The following LGR6 variants were observed in gnomAD, a reference collection of about 807,000 sequenced individuals.
The protein encoded by LGR6 is leucine rich repeat containing G protein-coupled receptor 6.
Under a neutral mutation model 69.4 loss-of-function variants are expected in LGR6, and 45 were observed. That is an observed-to-expected ratio of 0.65 (90% CI 0.51 to 0.83). LGR6 has a LOEUF of 0.83. Ranked by LOEUF, LGR6 falls within the 40% of genes least tolerant of loss-of-function variation. The pLI is 0.00. For synonymous variants in LGR6, 538 were observed against 555.0 expected (o/e 0.97, Z 0.43); for missense variants, 1,108 against 1,246.7 (o/e 0.89, Z 1.68).
In LGR6 at chr1:202,268,800, T is replaced by G. The variant is rs1664875805; in HGVS notation, c.429-7506T>G. Among the ~76,000 whole-genome samples the G allele has an allele frequency of 6.6e-6, 1 of 152,188 alleles. No homozygotes were observed. Among genetic ancestry groups the G allele is most frequent in the Admixed American group, 6.5e-5 (1 of 15,282 alleles). ...CACAGCTTTTGAGGATTTTTTAGTT[T>G]GGGAGCAGAGCCGACCTCATGGGCC... On this transcript the variant is annotated intron_variant, in intron 4 of 17. Transcript: ENST00000367278. This position sits in a 1 kb window ranked among gnomAD's most constrained non-coding sequence, Gnocchi z 4.4.
At chr1:202,206,889 T>TTTTATTTA (rs139647235) in intron 1 of LGR6, among the ~76,000 whole-genome samples, 47 of 141,368 alleles carry the variant, frequency 3.3e-4, no homozygotes, top group Middle Eastern at 7.1e-3. Flanking sequence ...CTGCAAATTA[T>TTTTATTTA]TTTATTTATT....
At chr1:202,204,457 AC>A (rs1658978749) in intron 1 of LGR6, among the ~76,000 whole-genome samples, 1 of 81,880 alleles carries the variant, frequency 1.2e-5, no homozygotes, top group African/African-American at 5.1e-5. Flanking sequence ...CCACACACAC[AC>A]ACCTCCACAC....
intron 1 of LGR6, 78 bp downstream of exon 1, chr1:202,194,279 T>G (rs2147880425): frequency 9.4e-7 from 1 of 1,065,240 alleles, no homozygotes; most frequent in Non-Finnish European, 1.3e-6. Context: ...GCAGGGCACC[T>G]GCTTGCTTGG....
Position 202,276,370 on chromosome 1 carries a change from C to T in LGR6, c.493C>T (p.Arg165Cys), listed in dbSNP as rs148637417. 215 of 1,614,188 alleles carry T rather than the reference C, an allele frequency of 1.3e-4. No homozygotes were observed. In the African/African-American group the frequency reaches 1.7e-3, roughly 13 times the overall value. The change falls in exon 5 of 18, where the codon CGC (arginine) becomes TGC (cysteine). Residue 165 changes from arginine to cysteine, a missense_variant. Coordinates refer to ENST00000367278, the MANE Select transcript of LGR6 (RefSeq NM_001017403.2). ...GAGCTTTGAGGGGCTGTCCTCCCTC[C>T]GCCACCTCTGGCTGGACGACAATGC... ...ERSFEGLSSL[R>C]HLWLDDNALT...
At chr1:202,202,809 A>G (rs1658884236) in intron 1 of LGR6, among the ~76,000 whole-genome samples, 2 of 152,196 alleles carry the variant, frequency 1.3e-5, no homozygotes, top group African/African-American at 4.8e-5. Context: ...CCTAGGACAC[A>G]ATTCCTCTCA....
chr1:202,213,542 C>T (rs964623064), intron 1 of LGR6, among the ~76,000 whole-genome samples: 2 of 152,098 alleles, frequency 1.3e-5, no homozygotes, highest in African/African-American at 4.8e-5. Context: ...AAGGGCAGGG[C>T]TGACCCAGAA....
chr1:202,252,187 C>T (rs1191929014), intron 4 of LGR6, among the ~76,000 whole-genome samples: 1 of 152,112 alleles, frequency 6.6e-6, no homozygotes, highest in African/African-American at 2.4e-5. Flanking sequence ...CTCTCTACTC[C>T]AGCGAAGCCA....
At chr1:202,242,545 T>G (rs534975892) in intron 4 of LGR6, among the ~76,000 whole-genome samples, 79 of 152,338 alleles carry the variant, frequency 5.2e-4, no homozygotes, top group African/African-American at 1.8e-3. Context: ...ATGGGGTTAC[T>G]GGCTCTGCTC....
At chr1:202,298,253 GT>G (rs770449403) in intron 7 of LGR6, among the ~76,000 whole-genome samples, 1 of 152,182 alleles carries the variant, frequency 6.6e-6, no homozygotes, top group Non-Finnish European at 1.5e-5. Flanking sequence ...AAAGATCATT[GT>G]GGACAAATCC....
chr1:202,261,957 T>G (rs1203606605), intron 4 of LGR6, among the ~76,000 whole-genome samples: 1 of 152,242 alleles, frequency 6.6e-6, no homozygotes, highest in Non-Finnish European at 1.5e-5. Context: ...TAAATTTGTT[T>G]GAGTTCATTG....
rs778765476 is a variant in LGR6, at chr1:202,309,085, C to G, written c.1315C>G (p.Leu439Val). 1 of 1,614,150 alleles carries G rather than the reference C, an allele frequency of 6.2e-7. No homozygotes were observed. The highest frequency in any genetic ancestry group is 8.5e-7 in the Non-Finnish European group (1 of 1,180,002). ...AGACAACCAGCTGACCACACTGCCC[C>G]TGGCTGGACTTGGGGGCTTGATGCA... is the stretch of plus-strand genomic sequence containing the variant. The part of the protein sequence containing the change: ...LTDNQLTTLP[L>V]AGLGGLMHLK... Residue 439 changes from leucine (L) to valine (V), a missense_variant, in exon 15 of 18, where the codon CTG becomes GTG. Transcript: ENST00000367278.
At chr1:202,240,152 C>T (rs931831087) in intron 4 of LGR6, among the ~76,000 whole-genome samples, 1 of 152,098 alleles carries the variant, frequency 6.6e-6, no homozygotes, top group Non-Finnish European at 1.5e-5. Flanking sequence ...GCAGGTGGAT[C>T]ACCTGAGCTC....
chr1:202,239,029 G>T (rs533391182), intron 4 of LGR6, among the ~76,000 whole-genome samples: 1 of 152,244 alleles, frequency 6.6e-6, no homozygotes, highest in South Asian at 2.1e-4. Flanking sequence ...ACGGGGCAGG[G>T]GTTTTATTGT....
At chr1:202,235,451 C>T (rs1661458947) in intron 3 of LGR6, among the ~76,000 whole-genome samples, 1 of 152,206 alleles carries the variant, frequency 6.6e-6, no homozygotes, top group Admixed American at 6.5e-5. Context: ...ATGTATTTGC[C>T]TGGGGCACTG....
chr1:202,261,730 T>G lies in LGR6; in HGVS notation c.429-14576T>G, dbSNP rs572632111. On this transcript the variant is annotated intron_variant, in intron 4 of 17. Coordinates refer to ENST00000367278, the MANE Select transcript of LGR6 (RefSeq NM_001017403.2). ...GTAAAAGTATTCCTCTTTCTCCACATCCTCTCCAACACCTGTTGTTTCCTG... is the reference window on the plus strand; with the variant it reads ...GTAAAAGTATTCCTCTTTCTCCACAGCCTCTCCAACACCTGTTGTTTCCTG... Among the ~76,000 whole-genome samples, 6 of 152,322 alleles carry G rather than the reference T, an allele frequency of 3.9e-5. No individual in the cohort carries two copies. In the East Asian group the frequency reaches 1.2e-3, roughly 29 times the overall value.
At chr1:202,252,406 A>G (rs1188758695) in intron 4 of LGR6, among the ~76,000 whole-genome samples, 1 of 152,164 alleles carries the variant, frequency 6.6e-6, no homozygotes, top group Non-Finnish European at 1.5e-5. Flanking sequence ...ACTAAATACC[A>G]GAGCCAGGCA....
chr1:202,319,136 C>T lies in LGR6; in HGVS notation c.2833C>T (p.Pro945Ser). The T allele has an allele frequency of 6.2e-7, 1 of 1,614,138 alleles. No individual in the cohort carries two copies. Among genetic ancestry groups the T allele is most frequent in the South Asian group, 1.1e-5 (1 of 91,080 alleles). Reference sequence around the variant, plus strand: ...GCTGCTGAGGGCAGAGGGATCTACGCCAGCAGGTGGAGGCTTGTCAGGGGG... The same window carrying T: ...GCTGCTGAGGGCAGAGGGATCTACGTCAGCAGGTGGAGGCTTGTCAGGGGG... ...ELLLRAEGST[P>S]AGGGLSGGGG... The change falls in exon 18 of 18, where the codon CCA becomes TCA. Residue 945 changes from proline (P) to serine (S), a missense_variant. Physicochemically the swap from Pro to Ser is moderately conservative, Grantham distance 74. Transcript: ENST00000367278.
chr1:202,305,203 C>A (rs1667895375), intron 11 of LGR6, among the ~76,000 whole-genome samples: 1 of 152,154 alleles, frequency 6.6e-6, no homozygotes, highest in African/African-American at 2.4e-5. Context: ...GTGGTGTGTC[C>A]TTTAGTAGGT....
At chr1:202,214,513 C>G (rs1659635510) in intron 1 of LGR6, among the ~76,000 whole-genome samples, 1 of 151,954 alleles carries the variant, frequency 6.6e-6, no homozygotes, top group East Asian at 1.9e-4. Flanking sequence ...CCGGGGCCGC[C>G]GCTTAGCTCC....
Sources: gnomAD v4.1 joint callset for allele counts (sites outside exome capture counted in the v4.1 genomes callset) on GRCh38, gnomAD v4.1.1 for gene constraint, Gnocchi (gnomAD v3.1) non-coding constraint, MANE v1.5 for transcripts, NCBI Gene and HGNC (gene_info 2026-07-23, HGNC 2026-07-21) for gene names.